The following EPS15L1 variants were observed in gnomAD, a reference collection of about 807,000 sequenced individuals.
EPS15L1 encodes the protein epidermal growth factor receptor pathway substrate 15 like 1, also known as epidermal growth factor receptor substrate 15-like 1.
Under a neutral mutation model 117.1 loss-of-function variants are expected in EPS15L1, and 43 were observed. The ratio of observed to expected loss-of-function variants is 0.37; its 90% CI spans 0.29 to 0.47. The LOEUF is 0.47. Among genes scored for constraint, EPS15L1 ranks in the 20% least tolerant of loss-of-function variants. The probability of loss-of-function intolerance (pLI) is 0.99; values close to 1 mark genes in which losing one functional copy is unlikely to be tolerated. For synonymous variants in EPS15L1, 459 were observed against 470.5 expected, an observed-to-expected ratio of 0.98 and a Z score of 0.32; for missense variants, 981 against 1,164.0, an observed-to-expected ratio of 0.84 and a Z score of 2.29.
intron 1 of EPS15L1, among the ~76,000 whole-genome samples, chr19:16,451,144 T>C (rs2093137942): frequency 6.6e-6 from 1 of 151,710 alleles, no homozygotes; most frequent in African/African-American, 2.4e-5. Flanking sequence ...AGAGACCGGG[T>C]CTCACCACGT....
chr19:16,424,509 G>T (rs186643261), intron 9 of EPS15L1, among the ~76,000 whole-genome samples: 198 of 151,988 alleles, frequency 1.3e-3, no homozygotes, highest in African/African-American at 4.6e-3. Flanking sequence ...AAAACTCTTG[G>T]CAAGAGCTCT....
rs910011215 is a variant in EPS15L1 at position 16,403,907 on chromosome 19, G to C, written c.1452C>G (p.Ile484Met). 1.6e-5 allele frequency: 26 copies of C among 1,613,858 alleles called. No homozygotes were observed. The highest frequency in any genetic ancestry group is 1.9e-5 in the Non-Finnish European group (23 of 1,179,950). Residue 484 changes from isoleucine to methionine, a missense_variant, in exon 15 of 24, where the codon ATC becomes ATG. Around this residue, in one of 5 missense-constraint regions of EPS15L1, gnomAD observed 819 missense variants for 949.0 expected, o/e 0.86. Coordinates refer to ENST00000455140, the MANE Select transcript of EPS15L1 (RefSeq NM_001258374.3). Reference protein sequence around the residue: ...TQMISSLKTQIQSQESDLKSQ... With the variant: ...TQMISSLKTQMQSQESDLKSQ... ...ACTTTAAGTCAGATTCCTGAGATTG[G>C]ATTTGCGTTTTCAGTGATGAGATCT...
At chr19:16,428,545 C>A (rs4808510) in intron 8 of EPS15L1, among the ~76,000 whole-genome samples, 157 bp downstream of exon 8, 37,509 of 80,152 alleles carry the variant, frequency 0.47, 6,324 homozygotes, top group African/African-American at 0.59. Flanking sequence ...GGAAGAAAGA[C>A]AGAAAAGAAA....
chr19:16,403,690 G>A (rs758220381), intron 15 of EPS15L1, 43 bp downstream of exon 15: 14 of 1,574,970 alleles, frequency 8.9e-6, no homozygotes, highest in African/African-American at 6.7e-5. Flanking sequence ...CTTGGGGCTC[G>A]CTGGTCCCTG....
chr19:16,363,351 G>A (rs73019098), intron 22 of EPS15L1, among the ~76,000 whole-genome samples: 17 of 152,274 alleles, frequency 1.1e-4, no homozygotes, highest in Non-Finnish European at 1.9e-4. Flanking sequence ...ATCTCTGGCT[G>A]CACCTCCAGA....
At chr19:16,448,552 G>GGC (rs1247362866) in intron 1 of EPS15L1, among the ~76,000 whole-genome samples, 3 of 143,490 alleles carry the variant, frequency 2.1e-5, no homozygotes, top group Non-Finnish European at 4.5e-5. Context: ...AAAAAAGGGG[G>GGC]GGGGAGAAAG....
chr19:16,377,204 T>C lies in EPS15L1; in HGVS notation c.2298A>G (p.Ser766=). ...FTSSLGGAGF[S]DDPFKSKQDT... ...CCTGTTTACTTTTAAAGGGGTCATC[T>C]GAGAATCCTGCCCCTCCCAAGGAGG... The change falls in exon 22 of 24, where the codon TCA becomes TCG. Residue 766 remains serine (S), a synonymous_variant. Coordinates refer to ENST00000455140, the MANE Select transcript of EPS15L1 (RefSeq NM_001258374.3). The C allele has an allele frequency of 6.2e-7, 1 of 1,613,006 alleles. No individual in the cohort carries two copies. The highest frequency in any genetic ancestry group is 8.5e-7 in the Non-Finnish European group (1 of 1,179,496).
Position 16,355,512 on chromosome 19 carries a change from GC to G in EPS15L1, c.*192del. On this transcript the variant is annotated 3_prime_UTR_variant, in exon 24 of 24. Transcript: ENST00000455140. ...CGGACCTGCAGAAGTGGTGGCCAAG[GC>G]CTCTGTAAGGGCTTCCCCAGGAGAT... 1.5e-6 allele frequency: 1 copy of G among 651,230 alleles called. No individual in the cohort carries two copies. Among genetic ancestry groups the G allele is most frequent in the South Asian group, 2.3e-5 (1 of 43,106 alleles). The allele number at this position is 651,230 out of a possible 1,614,324, so 40.3% of individuals were successfully genotyped here.
chr19:16,404,639 G>T lies in EPS15L1; in HGVS notation c.1377C>A (p.Leu459=), dbSNP rs368473067. The change falls in exon 14 of 24, where the codon CTC becomes CTA. Residue 459 remains leucine (L), a synonymous_variant. Coordinates refer to ENST00000455140, the MANE Select transcript of EPS15L1 (RefSeq NM_001258374.3). The surrounding 1 kb of genome is among the most constrained non-coding windows in gnomAD (Gnocchi z 4.2). The part of the protein sequence containing the change: ...LDEMDQQKAK[L]RDMLSDVRQK... ...GCCGGACGTCGCTCAGCATGTCTCG[G>T]AGCTTGGCCTTCTGCTGGTCCATCT... is the stretch of plus-strand genomic sequence containing the variant. 6 of 1,614,038 alleles carry T rather than the reference G, an allele frequency of 3.7e-6. No homozygotes were observed. The highest frequency in any genetic ancestry group is 1.6e-4 in the Middle Eastern group (1 of 6,084).
chr19:16,440,541 T>A (rs543044213), intron 4 of EPS15L1: 139 of 185,136 alleles, frequency 7.5e-4, no homozygotes, highest in African/African-American at 3.2e-3. Context: ...ACAGGAACCC[T>A]CCAAGCTATT....
At chr19:16,380,086 G>C (rs1008755035) in intron 21 of EPS15L1, among the ~76,000 whole-genome samples, 8 of 151,788 alleles carry the variant, frequency 5.3e-5, no homozygotes, top group African/African-American at 1.9e-4. Context: ...GCTGCCAAAG[G>C]CTCTGGCATC....
chr19:16,434,502 G>A lies in EPS15L1; in HGVS notation c.373-12C>T. 1 of 1,611,516 alleles carries A rather than the reference G, an allele frequency of 6.2e-7. No homozygotes were observed. Among genetic ancestry groups the A allele is most frequent in the Middle Eastern group, 1.7e-4 (1 of 6,054 alleles). On this transcript the variant is annotated splice_polypyrimidine_tract_variant and intron_variant, in intron 6 of 23. Transcript: ENST00000455140. ...GCCTTTTCTTCCACCTAGTTGGAAA[G>A]AAATAGCCCGAGTAAGTAGGAGAGC... is the stretch of plus-strand genomic sequence containing the variant.
intron 1 of EPS15L1, among the ~76,000 whole-genome samples, chr19:16,449,583 C>T (rs73511172): frequency 3.3e-5 from 5 of 151,934 alleles, no homozygotes; most frequent in Non-Finnish European, 7.4e-5. Context: ...TTTCTTAAAA[C>T]AACAACAACA....
chr19:16,414,517 C>T (rs556297889), intron 12 of EPS15L1, among the ~76,000 whole-genome samples: 1 of 151,520 alleles, frequency 6.6e-6, no homozygotes, highest in South Asian at 2.1e-4. Context: ...TCTCCTGCCT[C>T]AGCCTCCCTA....
intron 22 of EPS15L1, among the ~76,000 whole-genome samples, chr19:16,367,069 A>AAGG (rs1380459678): frequency 1.3e-5 from 2 of 152,046 alleles, no homozygotes; most frequent in Non-Finnish European, 2.9e-5. Flanking sequence ...AAACATGAGT[A>AAGG]AGGAGAGAGC....
rs542953707 is a variant in EPS15L1, at chr19:16,425,496, A to G, written c.559-180T>C. Among the ~76,000 whole-genome samples the G allele has an allele frequency of 2.0e-4, 30 of 152,354 alleles. 1 individual carries two copies. In the South Asian group the frequency reaches 6.2e-3, roughly 32 times the overall value. Reference sequence around the variant, plus strand: ...AGTTATCTTTTATGTGTAACTTTCCAAGACATGTGTTGAATTATTCCTCGA... The same window carrying G: ...AGTTATCTTTTATGTGTAACTTTCCGAGACATGTGTTGAATTATTCCTCGA... On this transcript the variant is annotated intron_variant, in intron 8 of 23. Coordinates refer to ENST00000455140, the MANE Select transcript of EPS15L1 (RefSeq NM_001258374.3).
In EPS15L1 at chr19:16,405,062, G is replaced by A. The variant is rs190112491; in HGVS notation, c.1267-313C>T. ...CCGGATGACATGCAGCTGTGGCTGC[G>A]GAGGGGAACATCACCCAAACGCAAA... On this transcript the variant is annotated intron_variant, in intron 13 of 23. Transcript: ENST00000455140. The surrounding 1 kb of genome is among the most constrained non-coding windows in gnomAD (Gnocchi z 4.0). Among the ~76,000 whole-genome samples the A allele has an allele frequency of 3.9e-5, 6 of 152,336 alleles. No individual in the cohort carries two copies. The highest frequency in any genetic ancestry group is 3.4e-3 in the Middle Eastern group (1 of 294).
chr19:16,367,930 T>A (rs1212917749), intron 22 of EPS15L1, among the ~76,000 whole-genome samples: 1 of 151,840 alleles, frequency 6.6e-6, no homozygotes, highest in African/African-American at 2.4e-5. Flanking sequence ...ATGGTCTCAA[T>A]CAATCCGATT....
intron 10 of EPS15L1, among the ~76,000 whole-genome samples, chr19:16,420,466 G>C (rs769010780): frequency 1.3e-5 from 2 of 152,198 alleles, no homozygotes; most frequent in Non-Finnish European, 2.9e-5. Context: ...ACTGTCCCTA[G>C]CCAGTTGGAG....
Sources: allele counts gnomAD v4.1 joint callset (sites outside exome capture counted in the v4.1 genomes callset), GRCh38; gene constraint gnomAD v4.1.1; regional missense constraint gnomAD v4.1.1; non-coding constraint Gnocchi (gnomAD v3.1); transcripts MANE v1.5; gene names NCBI Gene and HGNC (gene_info 2026-07-23, HGNC 2026-07-21).